The following TARP variants were observed in gnomAD, a reference collection of about 807,000 sequenced individuals.
the TARP span, among the ~76,000 whole-genome samples, chr7:38,263,916 G>A: frequency 3.8e-3 from 570 of 151,992 alleles, 3 homozygotes; most frequent in Non-Finnish European, 5.9e-3. Flanking sequence ...TTTAAGGGCT[G>A]ACTTTAATGG....
the TARP span, among the ~76,000 whole-genome samples, chr7:38,261,956 T>A: frequency 6.6e-6 from 1 of 150,904 alleles, no homozygotes; most frequent in Admixed American, 6.6e-5. Context: ...AGCATATCAC[T>A]ATACCACTGT....
chr7:38,271,204 G>A, the TARP span, among the ~76,000 whole-genome samples: 1 of 151,502 alleles, frequency 6.6e-6, no homozygotes. Context: ...TGTGCATTTA[G>A]CATGTTTCTC....
At chr7:38,262,180 C>G in the TARP span, 1 of 1,612,382 alleles carries the variant, frequency 6.2e-7, no homozygotes, top group Non-Finnish European at 8.5e-7. Flanking sequence ...CCATTTGCAT[C>G]TTTTGAACAA....
At chr7:38,270,717 T>C in the TARP span, among the ~76,000 whole-genome samples, 5 of 151,134 alleles carry the variant, frequency 3.3e-5, no homozygotes, top group Non-Finnish European at 7.4e-5. Flanking sequence ...CACTACATGT[T>C]ATCTGCCTGA....
At chr7:38,263,752 T>C in the TARP span, among the ~76,000 whole-genome samples, 2 of 151,866 alleles carry the variant, frequency 1.3e-5, no homozygotes, top group African/African-American at 4.8e-5. Flanking sequence ...AGTAGATGTG[T>C]TCTTGTCTAT....
At chr7:38,265,222 A>G in the TARP span, 1 of 754,124 alleles carries the variant, frequency 1.3e-6, no homozygotes, top group Middle Eastern at 3.9e-4. Context: ...CAGGGCATTT[A>G]TGCTACCATT....
the TARP span, chr7:38,265,384 A>T: frequency 6.2e-7 from 1 of 1,611,524 alleles, no homozygotes; most frequent in Non-Finnish European, 8.5e-7. Context: ...TTCTTGATCA[A>T]CTCCGTTTTT....
At chr7:38,265,064 T>C in the TARP span, among the ~76,000 whole-genome samples, 1 of 151,256 alleles carries the variant, frequency 6.6e-6, no homozygotes. Context: ...TCTGTGTATG[T>C]TGTTTCTTTA....
chr7:38,263,583 A>G, the TARP span, among the ~76,000 whole-genome samples: 1 of 151,662 alleles, frequency 6.6e-6, no homozygotes, highest in African/African-American at 2.4e-5. Flanking sequence ...ACAGAGGCCA[A>G]GTCACATTGA....
the TARP span, among the ~76,000 whole-genome samples, chr7:38,269,763 A>C: frequency 6.6e-6 from 1 of 152,050 alleles, no homozygotes; most frequent in African/African-American, 2.4e-5. Context: ...CCAGCACTGA[A>C]GTGAGACCAA....
chr7:38,261,883 A>AG, the TARP span, among the ~76,000 whole-genome samples: 1 of 142,204 alleles, frequency 7.0e-6, no homozygotes, highest in African/African-American at 2.8e-5. Context: ...AAAAAAAAAA[A>AG]AAAGAAAAGA....
At chr7:38,272,936 T>C in the TARP span, among the ~76,000 whole-genome samples, 1 of 151,580 alleles carries the variant, frequency 6.6e-6, no homozygotes, top group South Asian at 2.1e-4. Context: ...AAAACTGCTT[T>C]CATTTTTTCC....
chr7:38,264,599 A>T, the TARP span, among the ~76,000 whole-genome samples: 11 of 151,636 alleles, frequency 7.3e-5, no homozygotes, highest in Non-Finnish European at 1.0e-4. Flanking sequence ...CAAAAAAAAA[A>T]AAAGACTTTT....
At chr7:38,262,475 G>A in the TARP span, among the ~76,000 whole-genome samples, 2 of 151,446 alleles carry the variant, frequency 1.3e-5, no homozygotes, top group Non-Finnish European at 2.9e-5. Context: ...TAGTATCCAA[G>A]AGCATTTACT....
the TARP span, chr7:38,265,801 G>A: frequency 1.3e-5 from 10 of 750,164 alleles, no homozygotes; most frequent in African/African-American, 3.6e-5. Context: ...GGTGTCCACT[G>A]CGGCCTTTCA....
At chr7:38,272,077 G>A in the TARP span, among the ~76,000 whole-genome samples, 28 of 151,074 alleles carry the variant, frequency 1.9e-4, 1 homozygote, top group South Asian at 6.3e-4. Flanking sequence ...GAGATAATAC[G>A]TAAAACATTC....
At chr7:38,266,688 C>T in the TARP span, among the ~76,000 whole-genome samples, 1 of 151,508 alleles carries the variant, frequency 6.6e-6, no homozygotes, top group Non-Finnish European at 1.5e-5. Flanking sequence ...ATCAAGTTGA[C>T]CATGTAGCTT....
the TARP span, among the ~76,000 whole-genome samples, chr7:38,264,490 C>T: frequency 2.0e-5 from 3 of 150,778 alleles, no homozygotes; most frequent in Non-Finnish European, 4.4e-5. Context: ...TGTCGGGAGG[C>T]TGAAGTAAGA....
chr7:38,265,783 A>G, the TARP span: 2 of 856,204 alleles, frequency 2.3e-6, no homozygotes, highest in Non-Finnish European at 3.6e-6. Context: ...AGAAGATGCC[A>G]TTGAGCTGGT....
Sources: gnomAD v4.1 joint callset for allele counts (sites outside exome capture counted in the v4.1 genomes callset) on GRCh38, gnomAD v4.1.1 for gene constraint, MANE v1.5 for transcripts.